The following PMFBP1 variants were observed in gnomAD, a reference collection of about 807,000 sequenced individuals.
The protein encoded by PMFBP1 is polyamine-modulated factor 1-binding protein 1.
Under a neutral mutation model 137.8 loss-of-function variants are expected in PMFBP1, and 131 were observed. The observed-to-expected ratio is 0.95, with a 90% CI of 0.82 to 1.10. PMFBP1 has a LOEUF of 1.10. PMFBP1 is among the 50% of genes least tolerant of loss of function. The pLI, the probability that PMFBP1 is intolerant of heterozygous loss-of-function variation, is 0.00. For synonymous variants in PMFBP1, 490 were observed against 450.4 expected, an observed-to-expected ratio of 1.09 and a Z score of -1.11; for missense variants, 1,199 against 1,175.4, an observed-to-expected ratio of 1.02 and a Z score of -0.29.
intron 5 of PMFBP1, among the ~76,000 whole-genome samples, chr16:72,145,789 A>G (rs975216318): frequency 9.8e-5 from 15 of 152,364 alleles, no homozygotes; most frequent in African/African-American, 3.1e-4. Context: ...GAAGAAATGG[A>G]TAAATTCCTC....
upstream of PMFBP1, among the ~76,000 whole-genome samples, chr16:72,174,250 CTCTT>C (rs1165309998): frequency 6.6e-6 from 1 of 152,222 alleles, no homozygotes; most frequent in African/African-American, 2.4e-5. Context: ...GAGAAAGTAA[CTCTT>C]TCTATTACTC....
the PMFBP1 span, among the ~76,000 whole-genome samples, chr16:72,200,943 A>T: frequency 6.6e-6 from 1 of 152,174 alleles, no homozygotes; most frequent in African/African-American, 2.4e-5. Context: ...TGACATCCAT[A>T]GGGACCTGGC....
the PMFBP1 span, among the ~76,000 whole-genome samples, chr16:72,245,953 A>G: frequency 0.4 from 60,868 of 152,048 alleles, 13,754 homozygotes; most frequent in African/African-American, 0.61. Flanking sequence ...GCTTCTCGGG[A>G]CAAAAATAAA....
chr16:72,248,145 G>T, the PMFBP1 span, among the ~76,000 whole-genome samples: 1 of 152,146 alleles, frequency 6.6e-6, no homozygotes, highest in South Asian at 2.1e-4. Flanking sequence ...AATAATGGGA[G>T]AAAGCCATAA....
the PMFBP1 span, among the ~76,000 whole-genome samples, chr16:72,223,315 TGG>T: frequency 2.6e-5 from 4 of 152,126 alleles, no homozygotes; most frequent in Non-Finnish European, 4.4e-5. Flanking sequence ...TGACAGTGAG[TGG>T]ATTGCATTTT....
chr16:72,229,448 C>A, the PMFBP1 span, among the ~76,000 whole-genome samples: 1 of 152,298 alleles, frequency 6.6e-6, no homozygotes, highest in African/African-American at 2.4e-5. Flanking sequence ...TCCACAAGGG[C>A]TGAACTAATT....
intron 2 of PMFBP1, among the ~76,000 whole-genome samples, chr16:72,170,360 C>T (rs886859544): frequency 1.3e-5 from 2 of 152,052 alleles, no homozygotes; most frequent in Admixed American, 1.3e-4. Context: ...GTACATGGGA[C>T]AATCCTTTAC....
At chr16:72,216,821 T>C in the PMFBP1 span, among the ~76,000 whole-genome samples, 1 of 152,244 alleles carries the variant, frequency 6.6e-6, no homozygotes, top group East Asian at 1.9e-4. Flanking sequence ...CCCCTTTTTG[T>C]TCCTTTTCTG....
intron 1 of PMFBP1, 189 bp from the exon 2 acceptor site, chr16:72,171,457 C>T (rs1453454939): frequency 6.1e-6 from 3 of 494,080 alleles, no homozygotes; most frequent in African/African-American, 5.7e-5. Flanking sequence ...ATGGCAGGAC[C>T]ATGGTTTTAC....
At chr16:72,191,549 A>C in the PMFBP1 span, among the ~76,000 whole-genome samples, 3 of 152,240 alleles carry the variant, frequency 2.0e-5, no homozygotes, top group Non-Finnish European at 4.4e-5. Context: ...CTCTCCTTTA[A>C]AAATAGGCTA....
At position 72,123,622 on chromosome 16, in the gene PMFBP1, G is replaced by C; in HGVS notation, c.2617C>G (p.Pro873Ala). The C allele has an allele frequency of 6.2e-7, 1 of 1,613,978 alleles. No homozygotes were observed. Among genetic ancestry groups the C allele is most frequent in the Non-Finnish European group, 8.5e-7 (1 of 1,179,894 alleles). ...CGGTAGAGCCTACAGGTGTCTTTGGGCACAGACCACTGGGGCAGGCAGCAG... is the reference window on the plus strand; with the variant it reads ...CGGTAGAGCCTACAGGTGTCTTTGGCCACAGACCACTGGGGCAGGCAGCAG... ...EPCCLPQWSVPKDTCRLYRGN... is the reference protein window; with the variant it reads ...EPCCLPQWSVAKDTCRLYRGN... The change falls in exon 18 of 21, where the codon CCC (proline) becomes GCC (alanine). Residue 873 changes from proline to alanine, a missense_variant. Pro to Ala is a conservative substitution (Grantham distance 27, BLOSUM62 -1). Coordinates refer to ENST00000237353, the MANE Select transcript of PMFBP1 (RefSeq NM_031293.3).
At chr16:72,200,071 T>A in the PMFBP1 span, among the ~76,000 whole-genome samples, 1 of 152,240 alleles carries the variant, frequency 6.6e-6, no homozygotes, top group Admixed American at 6.5e-5. Context: ...TGGCAAGCTG[T>A]TGGTAGCACA....
At position 72,139,326 on chromosome 16, in the gene PMFBP1, G is replaced by T. The variant is rs764083413; in HGVS notation, c.881C>A (p.Pro294His). 1.2e-6 allele frequency: 2 copies of T among 1,614,030 alleles called. No homozygotes were observed. The highest frequency in any genetic ancestry group is 1.7e-6 in the Non-Finnish European group (2 of 1,179,996). The change falls in exon 7 of 21, where the codon CCT becomes CAT. Residue 294 changes from proline (P) to histidine (H), a missense_variant. Coordinates refer to ENST00000237353, the MANE Select transcript of PMFBP1 (RefSeq NM_031293.3). ...FASCTATHRY[P>H]PSSSEECEDI... ...TTCACACTCTTCTGAGGAGCTAGGA[G>T]GGTATCTGTGGGTGGCTGTACAGGA...
intron 14 of PMFBP1, among the ~76,000 whole-genome samples, chr16:72,127,001 C>T (rs1244366807): frequency 1.3e-5 from 2 of 152,200 alleles, no homozygotes; most frequent in Non-Finnish European, 2.9e-5. Flanking sequence ...CACAGACACA[C>T]ACAGAAACTA....
the PMFBP1 span, among the ~76,000 whole-genome samples, chr16:72,195,154 C>T: frequency 2.7e-4 from 41 of 152,278 alleles, no homozygotes; most frequent in Admixed American, 1.9e-3. Context: ...GGGCAGCTTC[C>T]GGCCAATGAC....
the PMFBP1 span, among the ~76,000 whole-genome samples, chr16:72,207,256 G>A: frequency 2.0e-5 from 3 of 152,136 alleles, no homozygotes; most frequent in Admixed American, 1.3e-4. Flanking sequence ...AGGATTGAAG[G>A]AGAGGGAATG....
chr16:72,164,805 C>T lies in PMFBP1; in HGVS notation c.124G>A (p.Asp42Asn), dbSNP rs1482573714. Residue 42 changes from aspartate to asparagine, a missense_variant, in exon 3 of 21, where the codon GAC becomes AAC. Physicochemically the swap from Asp to Asn is conservative, Grantham distance 23. Coordinates refer to ENST00000237353, the MANE Select transcript of PMFBP1 (RefSeq NM_031293.3). ...VCKRQRKTLQDNQLCMEEAMN... is the reference protein window; with the variant it reads ...VCKRQRKTLQNNQLCMEEAMN... The stretch of plus-strand genomic sequence containing the variant: ...GCCTCCTCCATGCAGAGCTGATTGT[C>T]CTGCAAGGTCTTCCTCTGTCTCTTG... 6.2e-7 allele frequency: 1 copy of T among 1,607,038 alleles called. No individual in the cohort carries two copies. The highest frequency in any genetic ancestry group is 1.3e-5 in the African/African-American group (1 of 74,822).
chr16:72,156,029 C>G (rs2042975231), intron 3 of PMFBP1, among the ~76,000 whole-genome samples: 1 of 152,132 alleles, frequency 6.6e-6, no homozygotes, highest in Admixed American at 6.5e-5. Flanking sequence ...CTCCATTGCC[C>G]AGGCTGGAGT....
At chr16:72,237,683 G>A in the PMFBP1 span, among the ~76,000 whole-genome samples, 1 of 151,890 alleles carries the variant, frequency 6.6e-6, no homozygotes, top group South Asian at 2.1e-4. Flanking sequence ...TACATGTGCA[G>A]GTTTGTTGTA....
Sources: gnomAD v4.1 joint callset for allele counts (sites outside exome capture counted in the v4.1 genomes callset) on GRCh38, gnomAD v4.1.1 for gene constraint, MANE v1.5 for transcripts, NCBI Gene and HGNC (gene_info 2026-07-23, HGNC 2026-07-21) for gene names.